Variants in RGS6 observed in about 807,000 individuals in gnomAD.
RGS6 encodes regulator of G-protein signaling 6.
Under a neutral mutation model 78.5 loss-of-function variants are expected in RGS6, and 30 were observed. The ratio of observed to expected loss-of-function variants is 0.38; its 90% CI spans 0.29 to 0.52. RGS6 has a LOEUF of 0.52. Among genes scored for constraint, RGS6 ranks in the 20% least tolerant of loss-of-function variants. The probability of loss-of-function intolerance (pLI) is 0.85; values close to 1 mark genes in which losing one functional copy is unlikely to be tolerated. For synonymous variants in RGS6, 206 were observed against 206.0 expected, an observed-to-expected ratio of 1.00 and a Z score of 0.00; for missense variants, 495 against 609.7, an observed-to-expected ratio of 0.81 and a Z score of 1.98.
At chr14:72,060,100 C>T (rs915381664) in intron 2 of RGS6, among the ~76,000 whole-genome samples, 1 of 152,120 alleles carries the variant, frequency 6.6e-6, no homozygotes, top group Non-Finnish European at 1.5e-5. Flanking sequence ...AGGTCCTGTG[C>T]CATGAGGAGA....
chr14:72,510,028 C>A, intron 13 of RGS6, 126 bp from the exon 14 acceptor site: 1 of 1,066,242 alleles, frequency 9.4e-7, no homozygotes, highest in Non-Finnish European at 1.3e-6. Context: ...TAGAATCTGC[C>A]CCTTAAATAT....
intron 3 of RGS6, among the ~76,000 whole-genome samples, chr14:72,419,608 C>T (rs1317110344): frequency 1.3e-5 from 2 of 152,214 alleles, no homozygotes; most frequent in Non-Finnish European, 2.9e-5. Context: ...TTGGTTCCTG[C>T]TTTGTGCTGG....
chr14:72,599,958 T>C, the RGS6 span, among the ~76,000 whole-genome samples: 1 of 152,098 alleles, frequency 6.6e-6, no homozygotes, highest in Non-Finnish European at 1.5e-5. Flanking sequence ...TCAGGGGGAC[T>C]TCCAGAGCCA....
At chr14:72,307,715 TC>T (rs1017288024) in intron 2 of RGS6, among the ~76,000 whole-genome samples, 7 of 152,168 alleles carry the variant, frequency 4.6e-5, no homozygotes, top group African/African-American at 1.7e-4. Flanking sequence ...TATTTTGTTT[TC>T]CAAATGAACT....
intron 3 of RGS6, among the ~76,000 whole-genome samples, chr14:72,362,670 C>G (rs571896683): frequency 6.6e-6 from 1 of 152,360 alleles, no homozygotes; most frequent in East Asian, 1.9e-4. Flanking sequence ...ATAAAAACTG[C>G]AAGACCTCTT....
chr14:72,182,205 C>T lies in RGS6; in HGVS notation c.85-169890C>T, dbSNP rs1322621642. Among the ~76,000 whole-genome samples the T allele has an allele frequency of 2.0e-5, 3 of 151,882 alleles. No homozygotes were observed. The East Asian group carries it at 5.8e-4, about 29-fold the overall frequency. On this transcript the variant is annotated intron_variant, in intron 2 of 17. Transcript: ENST00000553525. ...TGGGCGGATCATGCGGTCAAGAGAT[C>T]GAGACTATCCTGGCTAACATGGTGA...
chr14:71,899,457 C>A, the RGS6 span, among the ~76,000 whole-genome samples: 6 of 152,196 alleles, frequency 3.9e-5, no homozygotes, highest in Non-Finnish European at 1.5e-5. Context: ...ATTGACTTTA[C>A]CTCTACCACA....
At chr14:72,244,828 CT>C (rs56904507) in intron 2 of RGS6, among the ~76,000 whole-genome samples, 126,924 of 145,464 alleles carry the variant, frequency 0.87, 55,482 homozygotes, top group Middle Eastern at 0.9. Flanking sequence ...AAAAATTGGT[CT>C]TTTTTTTTTT....
chr14:72,549,246 GTTTTTTT>G, intron 17 of RGS6, among the ~76,000 whole-genome samples: 1 of 146,486 alleles, frequency 6.8e-6, no homozygotes, highest in South Asian at 2.2e-4. Context: ...TCTGTTTTTT[GTTTTTTT>G]TTTTGGCATT....
chr14:72,206,844 A>G (rs1370225394), intron 2 of RGS6, among the ~76,000 whole-genome samples: 2 of 43,848 alleles, frequency 4.6e-5, no homozygotes, highest in African/African-American at 9.8e-5. Flanking sequence ...CAGCCAAACC[A>G]TGTCATATAT....
chr14:72,117,323 G>A (rs1219144115), intron 2 of RGS6, among the ~76,000 whole-genome samples: 2 of 152,010 alleles, frequency 1.3e-5, no homozygotes, highest in African/African-American at 4.8e-5. Flanking sequence ...TGAATGTCTT[G>A]GTGTCCTCCC....
At chr14:72,046,935 C>T (rs751517899) in intron 2 of RGS6, among the ~76,000 whole-genome samples, 3 of 152,180 alleles carry the variant, frequency 2.0e-5, no homozygotes, top group Non-Finnish European at 4.4e-5. Context: ...ATTGACTTCA[C>T]ATAATAACAC....
intron 1 of RGS6, among the ~76,000 whole-genome samples, chr14:71,961,068 A>G (rs1178629342): frequency 6.6e-6 from 1 of 152,246 alleles, no homozygotes; most frequent in African/African-American, 2.4e-5. Context: ...GATGAGTTCC[A>G]AAGAACCTGA....
chr14:72,313,609 T>C (rs963443055), intron 2 of RGS6, among the ~76,000 whole-genome samples: 1 of 152,030 alleles, frequency 6.6e-6, no homozygotes, highest in African/African-American at 2.4e-5. Flanking sequence ...GGGAGCCAAG[T>C]GATTAAGAGA....
rs141082703 is a variant in RGS6 at position 72,030,911 on chromosome 14, T to C, written c.84+66036T>C. Among the ~76,000 whole-genome samples the C allele has an allele frequency of 2.6e-5, 4 of 152,226 alleles. No individual in the cohort carries two copies. In the East Asian group the frequency reaches 5.8e-4, roughly 22 times the overall value. On this transcript the variant is annotated intron_variant, in intron 2 of 17. Transcript: ENST00000553525. ...TTTAATTGGATTCATTTGCAGCTGA[T>C]ATGGATTCTGGGGCTTGATAGCACT...
At chr14:72,580,721 G>A in the RGS6 span, among the ~76,000 whole-genome samples, 21 of 152,318 alleles carry the variant, frequency 1.4e-4, no homozygotes, top group Admixed American at 2.6e-4. Context: ...CTGTGTTGGT[G>A]TACTATGCAT....
intron 2 of RGS6, among the ~76,000 whole-genome samples, chr14:72,145,582 G>A (rs753390266): frequency 2.2e-4 from 33 of 152,268 alleles, no homozygotes; most frequent in African/African-American, 6.5e-4. Flanking sequence ...GGGTTCAAGC[G>A]ATTCTTGTGT....
At chr14:71,967,935 T>C (rs2093615765) in intron 2 of RGS6, among the ~76,000 whole-genome samples, 1 of 152,224 alleles carries the variant, frequency 6.6e-6, no homozygotes, top group Non-Finnish European at 1.5e-5. Context: ...TTTCATGTCA[T>C]TAACTGTGAG....
chr14:72,075,121 AG>A (rs1429755924), intron 2 of RGS6, among the ~76,000 whole-genome samples: 1 of 152,134 alleles, frequency 6.6e-6, no homozygotes, highest in Non-Finnish European at 1.5e-5. Context: ...GTTGTGTTGA[AG>A]GGCATGCACA....
Sources: allele counts gnomAD v4.1 joint callset (sites outside exome capture counted in the v4.1 genomes callset), GRCh38; gene constraint gnomAD v4.1.1; transcripts MANE v1.5; gene names NCBI Gene and HGNC (gene_info 2026-07-23, HGNC 2026-07-21).